Variants in HS1BP3 observed in about 807,000 individuals in gnomAD.
HS1BP3 encodes the protein HCLS1 binding protein 3, also known as HCLS1-binding protein 3.
In HS1BP3, 32 loss-of-function variants were observed where a neutral mutation model predicts 33.5. The ratio of observed to expected loss-of-function variants is 0.95; its 90% confidence interval spans 0.72 to 1.28. The LOEUF (loss-of-function observed/expected upper bound fraction) is 1.28. HS1BP3 is among the 50% of genes most tolerant of loss of function. The pLI is 0.00. For missense variants in HS1BP3, 486 were observed against 502.3 expected (o/e 0.97, Z 0.31); for synonymous variants, 187 against 209.2 (o/e 0.89, Z 0.92).
intron 4 of HS1BP3, 94 bp from the exon 5 acceptor site, chr2:20,624,986 A>AGG: frequency 6.9e-7 from 1 of 1,447,052 alleles, no homozygotes. Context: ...CCTGCAGTGG[A>AGG]GGGGCTGGAT....
At chr2:20,579,672 G>A (rs935718522) in intron 5 of HS1BP3, among the ~76,000 whole-genome samples, 1 of 152,170 alleles carries the variant, frequency 6.6e-6, no homozygotes, top group Non-Finnish European at 1.5e-5. Flanking sequence ...TGTGACAAGA[G>A]GAAAACCAAT....
chr2:20,606,273 G>A, intron 2 of HS1BP3: 2 of 357,304 alleles, frequency 5.6e-6, no homozygotes, highest in Admixed American at 3.2e-5. Flanking sequence ...CAGTTGGTTG[G>A]ACCTGTTCAT....
intron 3 of HS1BP3, among the ~76,000 whole-genome samples, chr2:20,639,243 G>A (rs10166174): frequency 0.38 from 57,890 of 152,144 alleles, 11,309 homozygotes; most frequent in African/African-American, 0.47. Context: ...AGCGCTTCTT[G>A]AAGTGTGGTC....
downstream of HS1BP3, among the ~76,000 whole-genome samples, chr2:20,557,288 A>G (rs1279789504): frequency 6.6e-6 from 1 of 152,180 alleles, no homozygotes; most frequent in Non-Finnish European, 1.5e-5. Context: ...AGGGTATTTT[A>G]GGATGTCCTG....
chr2:20,597,943 G>C (rs1693980899), intron 3 of HS1BP3, among the ~76,000 whole-genome samples: 1 of 152,150 alleles, frequency 6.6e-6, no homozygotes, highest in Non-Finnish European at 1.5e-5. Context: ...CCCTGCCTCA[G>C]TGCCTAGAGC....
rs528328891 is a variant in HS1BP3, at chr2:20,641,016, C to T, written c.363G>A (p.Lys121=). The change falls in exon 3 of 7, where the codon AAG becomes AAA. Residue 121 remains lysine (K), a synonymous_variant. Transcript: ENST00000304031. ...VFNEILRCVS[K]DAELAGSPEL... is the part of the protein sequence containing the mutation. The stretch of plus-strand genomic sequence containing the variant: ...CTGGGCTGCCTGCCAACTCGGCATC[C>T]TTGGAGACACAGCGCAGGATCTCAT... 1.9e-6 allele frequency: 3 copies of T among 1,614,200 alleles called. No individual in the cohort carries two copies. The East Asian group carries it at 6.7e-5, about 36-fold the overall frequency.
Position 20,624,739 on chromosome 2 carries a change from G to A in HS1BP3, c.777C>T (p.Ser259=), listed in dbSNP as rs141884322. Residue 259 remains serine (S), a synonymous_variant, in exon 5 of 7, where the codon TCC becomes TCT. Coordinates refer to ENST00000304031, the MANE Select transcript of HS1BP3 (RefSeq NM_022460.4). ...SPQDPSEDVS[S]VDPLKLFDDP... ...CCATGGGGCTCTACTTACGGTCCAC[G>A]GATGACACGTCCTCCGAGGGGTCCT... The A allele has an allele frequency of 4.1e-4, 655 of 1,598,644 alleles. 3 individuals carry two copies. The highest frequency in any genetic ancestry group is 5.3e-4 in the Non-Finnish European group (623 of 1,171,204).
At chr2:20,580,783 A>G (rs1367181025) in intron 5 of HS1BP3, among the ~76,000 whole-genome samples, 1 of 152,238 alleles carries the variant, frequency 6.6e-6, no homozygotes, top group East Asian at 1.9e-4. Flanking sequence ...GGGTAAAAGA[A>G]ACCCTCAGGA....
downstream of HS1BP3, among the ~76,000 whole-genome samples, chr2:20,555,944 T>C (rs1006670682): frequency 1.3e-5 from 2 of 152,306 alleles, no homozygotes; most frequent in South Asian, 4.1e-4. Context: ...TTCCCTCAGT[T>C]CTTCCTCTGT....
chr2:20,629,228 G>A (rs758987693), intron 4 of HS1BP3, among the ~76,000 whole-genome samples: 1 of 152,144 alleles, frequency 6.6e-6, no homozygotes, highest in African/African-American at 2.4e-5. Flanking sequence ...ACACCTCAGG[G>A]TTGTCATGAA....
intron 6 of HS1BP3, among the ~76,000 whole-genome samples, chr2:20,620,862 T>C (rs1694576078): frequency 6.6e-6 from 1 of 152,108 alleles, no homozygotes; most frequent in Non-Finnish European, 1.5e-5. Flanking sequence ...CCACCTACAA[T>C]GAGGGACACC....
At chr2:20,650,798 C>CT (rs1460025268) in intron 1 of HS1BP3, among the ~76,000 whole-genome samples, 10 of 152,230 alleles carry the variant, frequency 6.6e-5, no homozygotes, top group African/African-American at 2.4e-4. Context: ...AGGGCTCCCG[C>CT]TGTCCTTGGC....
intron 5 of HS1BP3, among the ~76,000 whole-genome samples, chr2:20,565,064 T>C (rs1693093329): frequency 6.6e-6 from 1 of 152,124 alleles, no homozygotes; most frequent in Admixed American, 6.5e-5. Context: ...ACCTGCCAAA[T>C]GCTGGAGCTT....
At chr2:20,580,986 C>CA in intron 5 of HS1BP3, among the ~76,000 whole-genome samples, 1 of 152,358 alleles carries the variant, frequency 6.6e-6, no homozygotes, top group Non-Finnish European at 1.5e-5. Flanking sequence ...GTTAGTGTCC[C>CA]ATGCAGATGC....
chr2:20,591,344 A>G (rs1431409962), downstream of HS1BP3: 1 of 165,116 alleles, frequency 6.1e-6, no homozygotes, highest in Non-Finnish European at 1.5e-5. Context: ...CTTCTGCTTC[A>G]TGGAAACAGG....
At chr2:20,562,295 A>G (rs968418972) in intron 5 of HS1BP3, among the ~76,000 whole-genome samples, 7 of 152,104 alleles carry the variant, frequency 4.6e-5, no homozygotes, top group Non-Finnish European at 1.0e-4. Context: ...CCTGGGCAAC[A>G]TAGCAAGACC....
intron 2 of HS1BP3, among the ~76,000 whole-genome samples, chr2:20,644,035 G>T (rs1019606285): frequency 6.6e-6 from 1 of 152,098 alleles, no homozygotes; most frequent in African/African-American, 2.4e-5. Flanking sequence ...TTTTTATCTT[G>T]GTTGCCAGGA....
At chr2:20,640,581 G>T in intron 3 of HS1BP3, 1 of 451,800 alleles carries the variant, frequency 2.2e-6, no homozygotes. Flanking sequence ...CAGCTTTCCC[G>T]GGATACTGCA....
intron 5 of HS1BP3, among the ~76,000 whole-genome samples, chr2:20,583,718 G>A (rs997107361): frequency 3.9e-5 from 6 of 152,184 alleles, no homozygotes; most frequent in African/African-American, 1.2e-4. Flanking sequence ...TAGAGGAAGG[G>A]TATTCAGATG....
Sources: allele counts gnomAD v4.1 joint callset (sites outside exome capture counted in the v4.1 genomes callset), GRCh38; gene constraint gnomAD v4.1.1; transcripts MANE v1.5; gene names NCBI Gene and HGNC (gene_info 2026-07-23, HGNC 2026-07-21).